The following AGL variants were observed in gnomAD, a reference collection of about 807,000 sequenced individuals.
AGL encodes amylo-alpha-1,6-glucosidase and 4-alpha-glucanotransferase.
A neutral mutation model predicts 199.3 loss-of-function variants in AGL; 128 were observed. That is an observed-to-expected ratio of 0.64 (90% CI 0.56 to 0.74). The LOEUF is 0.74. Ranked by LOEUF, AGL falls within the 30% of genes least tolerant of loss-of-function variation. The probability of loss-of-function intolerance (pLI) is 0.00; values close to 1 mark genes in which losing one functional copy is unlikely to be tolerated. For synonymous variants in AGL, 584 were observed against 594.7 expected, an observed-to-expected ratio of 0.98 and a Z score of 0.26; for missense variants, 1,809 against 1,820.8, an observed-to-expected ratio of 0.99 and a Z score of 0.12.
At position 99,915,378 on chromosome 1, in the gene AGL, G is replaced by A. The variant is rs184309460; in HGVS notation, c.4162-11G>A. 1.3e-3 allele frequency: 2,165 copies of A among 1,604,812 alleles called. 35 individuals carry two copies. The South Asian group carries it at 0.02, about 15-fold the overall frequency. Reference sequence around the variant, plus strand: ...TTAAAAATTTGTATATTTGTTTTTGGCATTCACTAGGCCCCTGAGCTCTTT... The same window carrying A: ...TTAAAAATTTGTATATTTGTTTTTGACATTCACTAGGCCCCTGAGCTCTTT... On this transcript the variant is annotated splice_polypyrimidine_tract_variant and intron_variant, in intron 30 of 33. Coordinates refer to ENST00000361915, the MANE Select transcript of AGL (RefSeq NM_000642.3).
intron 26 of AGL, among the ~76,000 whole-genome samples, chr1:99,901,272 T>G (rs974173587): frequency 2.7e-5 from 4 of 149,912 alleles, no homozygotes; most frequent in Middle Eastern, 3.4e-3. Flanking sequence ...AGAAGCCAGG[T>G]GTATGGCACA....
chr1:99,891,963 T>A (rs1652933487), intron 23 of AGL, among the ~76,000 whole-genome samples: 2 of 152,174 alleles, frequency 1.3e-5, no homozygotes, highest in Non-Finnish European at 2.9e-5. Flanking sequence ...AACATATTGA[T>A]AAGAATATTG....
chr1:99,895,679 A>G (rs937357173), intron 24 of AGL, among the ~76,000 whole-genome samples: 1 of 152,182 alleles, frequency 6.6e-6, no homozygotes. Context: ...GATTTAATTT[A>G]TAAAAGAAAG....
At chr1:99,854,108 C>T (rs112824951) in intron 2 of AGL, among the ~76,000 whole-genome samples, 12 of 151,950 alleles carry the variant, frequency 7.9e-5, no homozygotes, top group African/African-American at 2.4e-4. Context: ...GCAGGAGAAT[C>T]GCTTGAACCT....
intron 25 of AGL, among the ~76,000 whole-genome samples, chr1:99,897,309 AG>A (rs1653411078): frequency 6.6e-6 from 1 of 152,126 alleles, no homozygotes. Context: ...ACATAGAGAG[AG>A]TAGGGTTGGT....
At chr1:99,920,489 A>G (rs561257565) in intron 33 of AGL, among the ~76,000 whole-genome samples, 4 of 152,344 alleles carry the variant, frequency 2.6e-5, no homozygotes, top group Admixed American at 1.3e-4. Context: ...ATGTAATTCA[A>G]CACATTACAG....
chr1:99,857,501 C>T (rs554719643), intron 2 of AGL, among the ~76,000 whole-genome samples: 135 of 152,106 alleles, frequency 8.9e-4, no homozygotes, highest in Non-Finnish European at 1.7e-3. Flanking sequence ...GATCACGCCA[C>T]TGCACTCCAG....
chr1:99,901,555 A>AG (rs1315887629), intron 26 of AGL, among the ~76,000 whole-genome samples: 2 of 152,102 alleles, frequency 1.3e-5, no homozygotes, highest in Non-Finnish European at 2.9e-5. Flanking sequence ...GGATACCTGC[A>AG]GGGTAGTAAG....
chr1:99,921,830 C>A lies in AGL; in HGVS notation c.*179C>A, dbSNP rs1405365371. 5 of 414,504 alleles carry A rather than the reference C, an allele frequency of 1.2e-5. No individual in the cohort carries two copies. The highest frequency in any genetic ancestry group is 2.1e-5 in the African/African-American group (1 of 48,690). 25.7% of individuals were successfully genotyped at this position (414,504 alleles called of 1,614,324 possible). ...TTTTTTAATGTACAGAGGTAGATTT[C>A]AATTTGAATCAGAAAGAAATATCAT... On this transcript the variant is annotated 3_prime_UTR_variant, in exon 34 of 34. Transcript: ENST00000361915.
rs1169515359 is a variant in AGL at position 99,891,249 on chromosome 1, C to T, written c.2842C>T (p.Pro948Ser). The T allele has an allele frequency of 1.9e-6, 3 of 1,613,428 alleles. No individual in the cohort carries two copies. Among genetic ancestry groups the T allele is most frequent in the Non-Finnish European group, 2.5e-6 (3 of 1,179,646 alleles). ...AATGTCTGTATTGGCAGAAATAAGA[C>T]CAAAGAATGACTTGGGGCATCCTTT... ...GLMSVLAEIR[P>S]KNDLGHPFCN... Residue 948 changes from proline (P) to serine (S), a missense_variant, in exon 22 of 34, where the codon CCA (proline) becomes TCA (serine). Pro to Ser is a moderately conservative substitution (Grantham distance 74). Transcript: ENST00000361915.
intron 27 of AGL, among the ~76,000 whole-genome samples, chr1:99,905,803 AT>A (rs1654240659): frequency 6.6e-6 from 1 of 151,986 alleles, no homozygotes; most frequent in Admixed American, 6.6e-5. Flanking sequence ...CTTGTCTTGA[AT>A]TCCTGACCTC....
At chr1:99,876,645 G>T in intron 11 of AGL, 48 bp downstream of exon 11, 1 of 1,603,466 alleles carries the variant, frequency 6.2e-7, no homozygotes. Flanking sequence ...ATAGTTCATG[G>T]CAAGGTCAAA....
chr1:99,852,266 G>A (rs1055893713), intron 2 of AGL, among the ~76,000 whole-genome samples: 1 of 151,786 alleles, frequency 6.6e-6, no homozygotes, highest in Non-Finnish European at 1.5e-5. Context: ...ATTTGATGAC[G>A]GGTAGATCTA....
Position 99,852,773 on chromosome 1 carries a change from G to A in AGL, c.82+1649G>A. ...TTGAGACTCAAAATTAATAATACATGAATTTTTTGTGATAAAGCCCTAAAT... is the reference window on the plus strand; with the variant it reads ...TTGAGACTCAAAATTAATAATACATAAATTTTTTGTGATAAAGCCCTAAAT... On this transcript the variant is annotated intron_variant, in intron 2 of 33. Coordinates refer to ENST00000361915, the MANE Select transcript of AGL (RefSeq NM_000642.3). 6.4e-6 allele frequency: 5 copies of A among 776,506 alleles called. No homozygotes were observed. The South Asian group carries it at 6.7e-5, about 10-fold the overall frequency. 48.1% of individuals were successfully genotyped at this position (776,506 alleles called of 1,614,324 possible).
chr1:99,902,566 C>G, intron 26 of AGL, 117 bp from the exon 27 acceptor site: 1 of 828,306 alleles, frequency 1.2e-6, no homozygotes, highest in Non-Finnish European at 2.1e-6. Context: ...ACCCCAATTC[C>G]TATTTCTCAC....
intron 21 of AGL, 44 bp downstream of exon 21, chr1:99,888,152 G>GGGTA: frequency 6.2e-7 from 1 of 1,606,720 alleles, no homozygotes; most frequent in Non-Finnish European, 8.5e-7. Context: ...TTTTCTTTTA[G>GGGTA]GGTCATCTGG....
chr1:99,859,326 G>A (rs906024918), intron 2 of AGL, among the ~76,000 whole-genome samples: 1 of 150,842 alleles, frequency 6.6e-6, no homozygotes, highest in Non-Finnish European at 1.5e-5. Context: ...ATAAAATTAT[G>A]CAAATGTATA....
Position 99,880,548 on chromosome 1 carries a change from T to G in AGL, c.1736-84T>G. The stretch of plus-strand genomic sequence containing the variant: ...TATAATATTGATGTGGTCTTTATTT[T>G]GAAAATCATTTATGAGAAGAAATCT... On this transcript the variant is annotated intron_variant, in intron 13 of 33. Transcript: ENST00000361915. 6 of 1,449,176 alleles carry G rather than the reference T, an allele frequency of 4.1e-6. No individual in the cohort carries two copies. In the South Asian group the frequency reaches 7.0e-5, roughly 17 times the overall value. 89.8% of individuals were successfully genotyped at this position (1,449,176 alleles called of 1,614,324 possible). A position where few individuals can be genotyped will look rare whatever the true frequency, so the allele number is the denominator to read the frequency against.
At chr1:99,873,703 G>A (rs1204320598) in intron 7 of AGL, among the ~76,000 whole-genome samples, 1 of 152,056 alleles carries the variant, frequency 6.6e-6, no homozygotes, top group African/African-American at 2.4e-5. Context: ...CAAAATGCTG[G>A]GATTACAGGT....
Sources: gnomAD v4.1 joint callset for allele counts (sites outside exome capture counted in the v4.1 genomes callset) on GRCh38, gnomAD v4.1.1 for gene constraint, MANE v1.5 for transcripts, NCBI Gene and HGNC (gene_info 2026-07-23, HGNC 2026-07-21) for gene names.